Variants in TMEM179 observed in about 807,000 individuals in gnomAD.
TMEM179 encodes transmembrane protein 179, also known as transmembrane protein 179A.
TMEM179 carries 17 observed loss-of-function variants against 22.2 expected under a neutral mutation model. The observed-to-expected ratio is 0.77, with a 90% CI of 0.52 to 1.15. The LOEUF is 1.15. Among genes scored for constraint, TMEM179 ranks in the 50% most tolerant of loss-of-function variants. The pLI is 0.00. For missense variants in TMEM179, 265 were observed against 313.6 expected (o/e 0.84, Z 1.17); for synonymous variants, 127 against 140.5 (o/e 0.90, Z 0.68).
Position 104,597,385 on chromosome 14 carries a change from G to C in TMEM179, c.306-258C>G, listed in dbSNP as rs958284262. Among the ~76,000 whole-genome samples the C allele has an allele frequency of 6.6e-6, 1 of 152,128 alleles. No individual in the cohort carries two copies. Among genetic ancestry groups the C allele is most frequent in the Non-Finnish European group, 1.5e-5 (1 of 68,004 alleles). ...GGGCTGCAGGTCACACCTTCCCAAA[G>C]ACCCAGGACCTGGAACCCTGGTCCC... On this transcript the variant is annotated intron_variant, in intron 1 of 3. Coordinates refer to ENST00000556573, the MANE Select transcript of TMEM179 (RefSeq NM_001286389.2). This position sits in a 1 kb window ranked among gnomAD's most constrained non-coding sequence, Gnocchi z 4.8.
rs764402535 is a variant in TMEM179 at position 104,597,040 on chromosome 14, G to T, written c.393C>A (p.Gly131=). 1 of 1,610,446 alleles carries T rather than the reference G, an allele frequency of 6.2e-7. No homozygotes were observed. Among genetic ancestry groups the T allele is most frequent in the Non-Finnish European group, 8.5e-7 (1 of 1,179,160 alleles). The change falls in exon 2 of 4, where the codon GGC becomes GGA. Residue 131 remains glycine, a synonymous_variant. Transcript: ENST00000556573. The surrounding 1 kb of genome is among the most constrained non-coding windows in gnomAD (Gnocchi z 4.8). ...VFIASTIVSV[G]FTMWCDTITE... is the part of the protein sequence containing the mutation. Reference sequence around the variant, plus strand: ...TGATGGTGTCGCACCACATGGTGAAGCCCACGCTCACGATGGTGCTGGCAA... The same window carrying T: ...TGATGGTGTCGCACCACATGGTGAATCCCACGCTCACGATGGTGCTGGCAA...
rs1378128750 is a variant in TMEM179, at chr14:104,592,826, C to T, written c.*653G>A. 6.6e-6 allele frequency among the ~76,000 whole-genome samples: 1 copy of T among 152,174 alleles called. No individual in the cohort carries two copies. Among genetic ancestry groups the T allele is most frequent in the Admixed American group, 6.5e-5 (1 of 15,278 alleles). The stretch of plus-strand genomic sequence containing the variant: ...AGATGATGCCCCCGATTCTGTGGAG[C>T]CCAGATTACCACTTCCCTGACCCTC... On this transcript the variant is annotated 3_prime_UTR_variant, in exon 4 of 4. Coordinates refer to ENST00000556573, the MANE Select transcript of TMEM179 (RefSeq NM_001286389.2).
Position 104,592,276 on chromosome 14 carries a change from T to C in TMEM179, c.*1203A>G. ...GACACTCACACCTACACACTCTTCC[T>C]CACACTCACATGCATGCACACTCAT... On this transcript the variant is annotated 3_prime_UTR_variant, in exon 4 of 4. Coordinates refer to ENST00000556573, the MANE Select transcript of TMEM179 (RefSeq NM_001286389.2). The C allele has an allele frequency of 6.5e-6, 1 of 154,180 alleles. No individual in the cohort carries two copies. Among genetic ancestry groups the C allele is most frequent in the Non-Finnish European group, 1.4e-5 (1 of 69,026 alleles). 9.6% of individuals were successfully genotyped at this position (154,180 alleles called of 1,614,324 possible).
chr14:104,595,595 C>T lies in TMEM179; in HGVS notation c.444-352G>A, dbSNP rs937513137. 1.3e-5 allele frequency among the ~76,000 whole-genome samples: 2 copies of T among 152,060 alleles called. No homozygotes were observed. The highest frequency in any genetic ancestry group is 2.4e-5 in the African/African-American group (1 of 41,408). On this transcript the variant is annotated intron_variant, in intron 2 of 3. Transcript: ENST00000556573. The surrounding 1 kb of genome is among the most constrained non-coding windows in gnomAD (Gnocchi z 5.7). ...CCTCCCTGTCCTGACCCAGGACGGC[C>T]GGAAGACGCCAGCTCAGCCTCTGCT...
chr14:104,597,800 A>C lies in TMEM179; in HGVS notation c.306-673T>G, dbSNP rs976639291. Among the ~76,000 whole-genome samples the C allele has an allele frequency of 1.1e-4, 16 of 152,022 alleles. No homozygotes were observed. The highest frequency in any genetic ancestry group is 3.9e-4 in the African/African-American group (16 of 41,446). The stretch of plus-strand genomic sequence containing the variant: ...CCTGTGATGCCGAGAGCTTCCATTC[A>C]CCCGCAGGTCATCAGCGCGTGGCCT... On this transcript the variant is annotated intron_variant, in intron 1 of 3. Transcript: ENST00000556573. This position sits in a 1 kb window ranked among gnomAD's most constrained non-coding sequence, Gnocchi z 4.8.
In TMEM179 at chr14:104,595,786, A is replaced by C. The variant is rs117224120; in HGVS notation, c.444-543T>G. Among the ~76,000 whole-genome samples the C allele has an allele frequency of 4.0e-3, 609 of 152,332 alleles. 7 individuals carry two copies. The highest frequency in any genetic ancestry group is 0.03 in the Admixed American group (461 of 15,302). ...GGAGGCATCTGTGGAAGCAGTGGGCATCAGAGGGCCCAGGAGTGAGCCAGG... is the reference window on the plus strand; with the variant it reads ...GGAGGCATCTGTGGAAGCAGTGGGCCTCAGAGGGCCCAGGAGTGAGCCAGG... On this transcript the variant is annotated intron_variant, in intron 2 of 3. Transcript: ENST00000556573. The surrounding 1 kb of genome is among the most constrained non-coding windows in gnomAD (Gnocchi z 5.7).
chr14:104,594,055 G>A (rs1886932485), intron 3 of TMEM179: 31 of 1,231,302 alleles, frequency 2.5e-5, no homozygotes, highest in East Asian at 3.2e-5. Flanking sequence ...TCCAACCACC[G>A]GAATAAATTG....
rs1027584160 is a variant in TMEM179, at chr14:104,591,064, G to A, written c.*2415C>T. ...CCCTGAGGGACCCTGGAGAGCCCAC[G>A]ACCAGGGCCGCCAGCCCCTGCCCAG... On this transcript the variant is annotated 3_prime_UTR_variant, in exon 4 of 4. Coordinates refer to ENST00000556573, the MANE Select transcript of TMEM179 (RefSeq NM_001286389.2). The A allele has an allele frequency of 2.3e-5, 6 of 260,206 alleles. No homozygotes were observed. Among genetic ancestry groups the A allele is most frequent in the African/African-American group, 4.7e-5 (2 of 42,560 alleles). 16.1% of individuals were successfully genotyped at this position (260,206 alleles called of 1,614,324 possible).
intron 3 of TMEM179, chr14:104,594,753 C>T: frequency 1.8e-6 from 2 of 1,127,604 alleles, no homozygotes; most frequent in Non-Finnish European, 1.1e-6. Context: ...GGCTAGGGGA[C>T]TCCTCTAAGC....
At chr14:104,598,304 T>A (rs1258095426) in intron 1 of TMEM179, among the ~76,000 whole-genome samples, 1 of 152,172 alleles carries the variant, frequency 6.6e-6, no homozygotes, top group East Asian at 1.9e-4. Flanking sequence ...ACTAGCAGCA[T>A]GGCTGAGAAG....
chr14:104,600,507 C>T (rs971809556), intron 1 of TMEM179, among the ~76,000 whole-genome samples: 7 of 152,262 alleles, frequency 4.6e-5, no homozygotes, highest in Admixed American at 2.0e-4. Flanking sequence ...CCCAGGCCCA[C>T]GGCTGCCTCA....
At position 104,592,467 on chromosome 14, in the gene TMEM179, C is replaced by T. The variant is rs1353102185; in HGVS notation, c.*1012G>A. The T allele has an allele frequency of 1.3e-5, 2 of 153,678 alleles. No individual in the cohort carries two copies. The highest frequency in any genetic ancestry group is 2.9e-5 in the Non-Finnish European group (2 of 68,748). 9.5% of individuals were successfully genotyped at this position (153,678 alleles called of 1,614,324 possible). A position where few individuals can be genotyped will look rare whatever the true frequency, so the allele number is the denominator to read the frequency against. On this transcript the variant is annotated 3_prime_UTR_variant, in exon 4 of 4. Transcript: ENST00000556573. ...ACTCGCACATGCAGTCACACATTCA[C>T]TCACAGGCAGTCACACTCTCATGCA...
At chr14:104,602,562 C>A (rs1404496853) in intron 1 of TMEM179, among the ~76,000 whole-genome samples, 1 of 152,268 alleles carries the variant, frequency 6.6e-6, no homozygotes, top group Non-Finnish European at 1.5e-5. Flanking sequence ...CTTCCACCTG[C>A]CTGCCCTGCA....
chr14:104,597,160 G>A lies in TMEM179; in HGVS notation c.306-33C>T, dbSNP rs1264943410. 6.4e-7 allele frequency: 1 copy of A among 1,556,592 alleles called. No homozygotes were observed. Among genetic ancestry groups the A allele is most frequent in the Admixed American group, 1.9e-5 (1 of 52,330 alleles). Reference sequence around the variant, plus strand: ...CAGAAACAGGAGGGGCAGGCTCACTGGACACCACCTCCCAGGCGACCCCCG... The same window carrying A: ...CAGAAACAGGAGGGGCAGGCTCACTAGACACCACCTCCCAGGCGACCCCCG... On this transcript the variant is annotated intron_variant, in intron 1 of 3. Transcript: ENST00000556573. The surrounding 1 kb of genome is among the most constrained non-coding windows in gnomAD (Gnocchi z 4.8).
chr14:104,594,827 A>C (rs1886962680), intron 3 of TMEM179: 1 of 1,280,418 alleles, frequency 7.8e-7, no homozygotes, highest in South Asian at 2.1e-5. Context: ...CCTTGTCCCT[A>C]CACTGGACCC....
At position 104,595,878 on chromosome 14, in the gene TMEM179, G is replaced by A. The variant is rs1887005192; in HGVS notation, c.444-635C>T. On this transcript the variant is annotated intron_variant, in intron 2 of 3. Transcript: ENST00000556573. The surrounding 1 kb of genome is among the most constrained non-coding windows in gnomAD (Gnocchi z 5.7). ...GTGAAGCCAGGACACATTGACAGGA[G>A]CAGGGTGCCAGAAAGAGGGGGCCCA... 6.6e-6 allele frequency among the ~76,000 whole-genome samples: 1 copy of A among 152,268 alleles called. No homozygotes were observed. Among genetic ancestry groups the A allele is most frequent in the South Asian group, 2.1e-4 (1 of 4,838 alleles).
chr14:104,594,568 C>T, intron 3 of TMEM179: 2 of 1,230,698 alleles, frequency 1.6e-6, no homozygotes, highest in South Asian at 4.3e-5. Flanking sequence ...ACTGATGTGT[C>T]CCCACATGCC....
At chr14:104,594,361 GC>G (rs1886946397) in intron 3 of TMEM179, 1 of 1,231,634 alleles carries the variant, frequency 8.1e-7, no homozygotes, top group Non-Finnish European at 1.0e-6. Flanking sequence ...GCCAGCAAGA[GC>G]CTTCAGAGGC....
In TMEM179 at chr14:104,593,265, T is replaced by C; in HGVS notation, c.*214A>G. The C allele has an allele frequency of 1.6e-6, 1 of 610,914 alleles. No individual in the cohort carries two copies. Among genetic ancestry groups the C allele is most frequent in the East Asian group, 2.9e-5 (1 of 34,812 alleles). The allele number at this position is 610,914 out of a possible 1,614,324, so 37.8% of individuals were successfully genotyped here. ...CCACACCCATAGTCTCTCTGCACCA[T>C]CCTCATCAGGGAGCCGGCACCCACC... On this transcript the variant is annotated 3_prime_UTR_variant, in exon 4 of 4. Coordinates refer to ENST00000556573, the MANE Select transcript of TMEM179 (RefSeq NM_001286389.2).
Sources: gnomAD v4.1 joint callset for allele counts (sites outside exome capture counted in the v4.1 genomes callset) on GRCh38, gnomAD v4.1.1 for gene constraint, Gnocchi (gnomAD v3.1) non-coding constraint, MANE v1.5 for transcripts, NCBI Gene and HGNC (gene_info 2026-07-23, HGNC 2026-07-21) for gene names.